The following RPAIN variants were observed in gnomAD, a reference collection of about 807,000 sequenced individuals.
RPAIN encodes RPA interacting protein, also known as RPA-interacting protein.
A neutral mutation model predicts 30.5 loss-of-function variants in RPAIN; 29 were observed. The observed-to-expected ratio is 0.95, with a 90% CI of 0.71 to 1.30. The LOEUF (loss-of-function observed/expected upper bound fraction) is 1.30. Among genes scored for constraint, RPAIN ranks in the 50% most tolerant of loss-of-function variants. RPAIN has a pLI of 0.00. For synonymous variants in RPAIN, 101 were observed against 93.5 expected (o/e 1.08, Z -0.46); for missense variants, 247 against 264.7 (o/e 0.93, Z 0.46).
chr17:5,429,794 T>C lies in RPAIN; in HGVS notation c.630+1583T>C, dbSNP rs181729400. On this transcript the variant is annotated intron_variant, in intron 6 of 6. Transcript: ENST00000381209. ...AATGACTTTGACTCCTCCCACTACA[T>C]TTAAGGATCATTTGCACAAATATTT... The C allele has an allele frequency of 5.4e-4, 525 of 977,460 alleles. 5 individuals are homozygous for C. In the African/African-American group the frequency reaches 8.4e-3, roughly 16 times the overall value. 60.5% of individuals were successfully genotyped at this position (977,460 alleles called of 1,614,324 possible).
chr17:5,420,338 A>C, intron 1 of RPAIN, 47 bp downstream of exon 1: 1 of 1,535,776 alleles, frequency 6.5e-7, no homozygotes, highest in Non-Finnish European at 8.9e-7. Context: ...CGTCCCGGTG[A>C]CCGCCGTCTT....
At chr17:5,424,533 A>G (rs999370815) in intron 3 of RPAIN, among the ~76,000 whole-genome samples, 1 of 152,212 alleles carries the variant, frequency 6.6e-6, no homozygotes, top group Non-Finnish European at 1.5e-5. Context: ...TGTCTGGCAT[A>G]TAGAGAGCTT....
At chr17:5,424,223 T>A (rs1915167146) in intron 3 of RPAIN, among the ~76,000 whole-genome samples, 2 of 151,822 alleles carry the variant, frequency 1.3e-5, no homozygotes, top group African/African-American at 2.4e-5. Flanking sequence ...TCCTCCCTGG[T>A]CTCAAGTGAT....
intron 6 of RPAIN, chr17:5,430,956 C>T (rs138812880): frequency 3.0e-4 from 47 of 158,638 alleles, no homozygotes; most frequent in Non-Finnish European, 5.2e-4. Flanking sequence ...TGGAAGATGG[C>T]CTAATTGCCA....
chr17:5,427,951 C>G, intron 5 of RPAIN, 120 bp from the exon 6 acceptor site: 2 of 917,922 alleles, frequency 2.2e-6, no homozygotes, highest in South Asian at 2.9e-5. Context: ...GTCTTTAAGG[C>G]TCCAAGGAGT....
intron 3 of RPAIN, 71 bp downstream of exon 3, chr17:5,422,900 G>A: frequency 2.4e-6 from 3 of 1,269,900 alleles, no homozygotes; most frequent in Admixed American, 1.8e-5. Context: ...CCTCCAATCA[G>A]GATTAGTTTA....
chr17:5,427,185 G>A (rs1462112577), intron 5 of RPAIN: 1 of 152,066 alleles, frequency 6.6e-6, no homozygotes, highest in Non-Finnish European at 1.5e-5. Flanking sequence ...ACCCAGGCTG[G>A]AGTGCAGTGG....
In RPAIN at chr17:5,426,450, T is replaced by C. The variant is rs142841045; in HGVS notation, c.489+151T>C. On this transcript the variant is annotated intron_variant, in intron 5 of 6. Transcript: ENST00000381209. ...CACATTGGTAGCTTCAAATCAGCCA[T>C]GGTGAGAATATCTATGGCATGAAAA... 2,253 of 726,794 alleles carry C rather than the reference T, an allele frequency of 3.1e-3. 7 individuals carry two copies. The highest frequency in any genetic ancestry group is 3.7e-3 in the Non-Finnish European group (1,499 of 406,046). The allele number at this position is 726,794 out of a possible 1,614,324, so 45.0% of individuals were successfully genotyped here.
At chr17:5,422,910 A>G in intron 3 of RPAIN, 81 bp downstream of exon 3, 6 of 1,148,530 alleles carry the variant, frequency 5.2e-6, no homozygotes, top group South Asian at 2.6e-5. Context: ...GGATTAGTTT[A>G]TAAGTCCCCT....
chr17:5,422,941 A>G, intron 3 of RPAIN, 112 bp downstream of exon 3: 1 of 792,714 alleles, frequency 1.3e-6, no homozygotes, highest in Non-Finnish European at 2.1e-6. Flanking sequence ...CCATCAGTCA[A>G]GTGTCCAAAA....
chr17:5,422,955 T>C, intron 3 of RPAIN, 126 bp downstream of exon 3: 1 of 722,200 alleles, frequency 1.4e-6, no homozygotes, highest in Non-Finnish European at 2.4e-6. Flanking sequence ...TCCAAAAGAC[T>C]CCTTTTGTAC....
At chr17:5,430,505 C>G (rs765925555) in intron 6 of RPAIN, 3 of 152,900 alleles carry the variant, frequency 2.0e-5, no homozygotes, top group Admixed American at 6.6e-5. Flanking sequence ...ATTGGCCAGC[C>G]TGGGAAGTCC....
chr17:5,432,519 A>G (rs770058470), intron 6 of RPAIN, 23 bp from the exon 7 acceptor site: 1 of 1,610,216 alleles, frequency 6.2e-7, no homozygotes, highest in South Asian at 1.1e-5. Flanking sequence ...ATTTAAGCTA[A>G]TTATTTTCCT....
intron 6 of RPAIN, chr17:5,432,152 A>G (rs1916032432): frequency 4.1e-6 from 1 of 243,444 alleles, no homozygotes; most frequent in African/African-American, 2.2e-5. Context: ...CCTATGATAC[A>G]TACCTGCTTC....
intron 2 of RPAIN, among the ~76,000 whole-genome samples, chr17:5,422,194 T>C: frequency 6.6e-6 from 1 of 152,248 alleles, no homozygotes; most frequent in East Asian, 1.9e-4. Context: ...CTGGTTTGGC[T>C]ATTGACTGTT....
At chr17:5,425,910 A>T in intron 3 of RPAIN, 61 bp from the exon 4 acceptor site, 1 of 1,098,522 alleles carries the variant, frequency 9.1e-7, no homozygotes, top group Non-Finnish European at 1.4e-6. Flanking sequence ...AGTGAAGTTT[A>T]GAATTAAATA....
chr17:5,431,502 A>AAAAAAAAAAAG (rs769349819), intron 6 of RPAIN: 1 of 420,112 alleles, frequency 2.4e-6, no homozygotes, highest in Middle Eastern at 3.8e-4. Context: ...AAAAAAAAAG[A>AAAAAAAAAAAG]GGAGGGGGAA....
intron 6 of RPAIN, chr17:5,431,863 CAA>C (rs1240629295): frequency 3.6e-5 from 12 of 336,564 alleles, no homozygotes; most frequent in South Asian, 2.3e-4. Flanking sequence ...TGGTAAGAAA[CAA>C]GAGTAACCCA....
intron 6 of RPAIN, chr17:5,431,612 G>A: frequency 2.2e-6 from 1 of 456,550 alleles, no homozygotes; most frequent in Non-Finnish European, 4.4e-6. Flanking sequence ...ACTTAAGGGG[G>A]AATCAAGGAC....
Sources: allele counts gnomAD v4.1 joint callset (sites outside exome capture counted in the v4.1 genomes callset), GRCh38; gene constraint gnomAD v4.1.1; transcripts MANE v1.5; gene names NCBI Gene and HGNC (gene_info 2026-07-23, HGNC 2026-07-21).